DENND1A: variants seen among roughly 807,000 people sequenced by gnomAD.
DENND1A encodes the protein DENN domain containing 1A.
In DENND1A, 51 loss-of-function variants were observed where a neutral mutation model predicts 113.7. That is an observed-to-expected ratio of 0.45 (90% CI 0.36 to 0.57). DENND1A has a LOEUF of 0.57. DENND1A is among the 20% of genes least tolerant of loss of function. DENND1A has a pLI of 0.00. For synonymous variants in DENND1A, 565 were observed against 570.8 expected (o/e 0.99, Z 0.14); for missense variants, 1,258 against 1,395.9 (o/e 0.90, Z 1.57).
chr9:123,827,148 T>C (rs1217464703), intron 2 of DENND1A, among the ~76,000 whole-genome samples: 1 of 152,098 alleles, frequency 6.6e-6, no homozygotes. Flanking sequence ...TATTCATGCA[T>C]ATAAAAAATT....
intron 13 of DENND1A, among the ~76,000 whole-genome samples, chr9:123,458,372 TA>T (rs2048294316): frequency 6.6e-6 from 1 of 152,186 alleles, no homozygotes; most frequent in Non-Finnish European, 1.5e-5. Context: ...TATTATCTAA[TA>T]ATAGAAATAT....
intron 2 of DENND1A, among the ~76,000 whole-genome samples, chr9:123,822,147 A>G (rs965666421): frequency 1.3e-5 from 2 of 152,334 alleles, no homozygotes; most frequent in South Asian, 4.1e-4. Flanking sequence ...GAGTTTTTAT[A>G]TATCTGTATA....
At chr9:123,779,173 T>C (rs2131803132) in intron 3 of DENND1A, among the ~76,000 whole-genome samples, 1 of 152,308 alleles carries the variant, frequency 6.6e-6, no homozygotes, top group African/African-American at 2.4e-5. Context: ...GCTTAGAATA[T>C]TTTTAAAGCA....
At chr9:123,859,948 C>A (rs1315306561) in intron 2 of DENND1A, among the ~76,000 whole-genome samples, 1 of 151,970 alleles carries the variant, frequency 6.6e-6, no homozygotes, top group Non-Finnish European at 1.5e-5. Flanking sequence ...TGACAGAGGA[C>A]CACAGAAAGG....
chr9:123,606,192 A>T (rs1357419763), intron 11 of DENND1A, among the ~76,000 whole-genome samples: 1 of 152,158 alleles, frequency 6.6e-6, no homozygotes, highest in Non-Finnish European at 1.5e-5. Context: ...TCCAGGGAGG[A>T]GGTCAGGAGA....
chr9:123,639,749 C>G (rs2061923962), intron 9 of DENND1A, among the ~76,000 whole-genome samples: 1 of 149,288 alleles, frequency 6.7e-6, no homozygotes. Flanking sequence ...TGCACTCTAG[C>G]CTGGGCAACA....
intron 14 of DENND1A, 89 bp downstream of exon 14, chr9:123,457,704 A>G: frequency 7.8e-7 from 1 of 1,280,178 alleles, no homozygotes; most frequent in Non-Finnish European, 1.1e-6. Context: ...AGTCCCATCC[A>G]TGCCTGCGGC....
At position 123,770,383 on chromosome 9, in the gene DENND1A, C is replaced by T. The variant is rs1032063666; in HGVS notation, c.133-820G>A. ...TTATTCATAGAAGACAATCTTCTTA[C>T]ATTACCACAGAAAAAAACAGTACAT... On this transcript the variant is annotated intron_variant, in intron 3 of 23. Coordinates refer to ENST00000394215, the MANE Select transcript of DENND1A (RefSeq NM_001352964.2). Among the ~76,000 whole-genome samples, 8 of 152,232 alleles carry T rather than the reference C, an allele frequency of 5.3e-5. No homozygotes were observed. The East Asian group carries it at 1.5e-3, about 29-fold the overall frequency.
At chr9:123,762,387 C>T (rs2071115686) in intron 4 of DENND1A, among the ~76,000 whole-genome samples, 1 of 152,192 alleles carries the variant, frequency 6.6e-6, no homozygotes. Flanking sequence ...AACCTTCATG[C>T]TTCCTTTTAA....
chr9:123,731,984 T>C (rs2068210569), intron 5 of DENND1A, among the ~76,000 whole-genome samples: 1 of 152,198 alleles, frequency 6.6e-6, no homozygotes, highest in African/African-American at 2.4e-5. Flanking sequence ...CACTGATTAT[T>C]AGGAAAACGC....
intron 5 of DENND1A, among the ~76,000 whole-genome samples, chr9:123,741,184 C>G (rs1008456386): frequency 6.6e-6 from 1 of 152,132 alleles, no homozygotes; most frequent in Non-Finnish European, 1.5e-5. Context: ...TCATGCCAAA[C>G]CTCAGCAACT....
At chr9:123,817,774 C>T (rs1837735332) in intron 2 of DENND1A, among the ~76,000 whole-genome samples, 1 of 152,094 alleles carries the variant, frequency 6.6e-6, no homozygotes, top group South Asian at 2.1e-4. Context: ...TGCCTGTAAT[C>T]CCAGTACTTT....
chr9:123,648,778 A>G (rs1185321146), intron 9 of DENND1A, among the ~76,000 whole-genome samples: 1 of 152,084 alleles, frequency 6.6e-6, no homozygotes, highest in Non-Finnish European at 1.5e-5. Context: ...TTCACATTTA[A>G]GTTCTTGATC....
intron 12 of DENND1A, among the ~76,000 whole-genome samples, chr9:123,578,879 T>C (rs1042929906): frequency 3.3e-5 from 5 of 152,136 alleles, no homozygotes; most frequent in African/African-American, 1.2e-4. Flanking sequence ...TGTGTGTGTG[T>C]GATTAAATAC....
At chr9:123,736,093 A>G (rs192455277) in intron 5 of DENND1A, among the ~76,000 whole-genome samples, 106 of 152,344 alleles carry the variant, frequency 7.0e-4, no homozygotes, top group African/African-American at 2.5e-3. Context: ...AAGTAGTTCT[A>G]ATGAGAACTA....
intron 2 of DENND1A, among the ~76,000 whole-genome samples, chr9:123,861,465 G>C (rs1845040954): frequency 6.6e-6 from 1 of 152,114 alleles, no homozygotes; most frequent in Non-Finnish European, 1.5e-5. Context: ...TTTCTGTAAA[G>C]CTTTATTTTG....
At chr9:123,714,431 A>G (rs1395228371) in intron 5 of DENND1A, among the ~76,000 whole-genome samples, 1 of 152,004 alleles carries the variant, frequency 6.6e-6, no homozygotes, top group Non-Finnish European at 1.5e-5. Context: ...GTGAAACCCC[A>G]TCTCCACTAA....
At chr9:123,425,173 T>C (rs1403844631) in intron 19 of DENND1A, among the ~76,000 whole-genome samples, 1 of 152,252 alleles carries the variant, frequency 6.6e-6, no homozygotes, top group Non-Finnish European at 1.5e-5. Context: ...CCTGCTGTGA[T>C]AAACTCCCCA....
intron 3 of DENND1A, among the ~76,000 whole-genome samples, chr9:123,783,646 C>A (rs1831657730): frequency 6.6e-6 from 1 of 152,108 alleles, no homozygotes; most frequent in African/African-American, 2.4e-5. Flanking sequence ...AAGTGGTAAA[C>A]CCCTGTAAAT....
Sources: allele counts gnomAD v4.1 joint callset (sites outside exome capture counted in the v4.1 genomes callset), GRCh38; gene constraint gnomAD v4.1.1; transcripts MANE v1.5; gene names NCBI Gene and HGNC (gene_info 2026-07-23, HGNC 2026-07-21).